The following ZC3H12D variants were observed in gnomAD, a reference collection of about 807,000 sequenced individuals.
ZC3H12D encodes the protein zinc finger CCCH-type containing 12D.
In ZC3H12D, 11 loss-of-function variants were observed where a neutral mutation model predicts 24.2. That is an observed-to-expected ratio of 0.46 (90% CI 0.29 to 0.75). The LOEUF is 0.75. ZC3H12D is among the 30% of genes least tolerant of loss of function. The pLI is 0.11. For missense variants in ZC3H12D, 740 were observed against 767.7 expected, an observed-to-expected ratio of 0.96 and a Z score of 0.43; for synonymous variants, 333 against 341.8, an observed-to-expected ratio of 0.97 and a Z score of 0.28.
chr6:149,480,285 G>A (rs1209699512), intron 1 of ZC3H12D, among the ~76,000 whole-genome samples: 1 of 152,148 alleles, frequency 6.6e-6, no homozygotes, highest in Non-Finnish European at 1.5e-5. Flanking sequence ...TTCAAATATG[G>A]TACATATACA....
chr6:149,465,962 A>G (rs1289125515), intron 2 of ZC3H12D, among the ~76,000 whole-genome samples: 1 of 152,090 alleles, frequency 6.6e-6, no homozygotes, highest in African/African-American at 2.4e-5. Context: ...TTCAGCACAG[A>G]CTGGGCAGGC....
Position 149,450,710 on chromosome 6 carries a change from G to C in ZC3H12D, c.1557C>G (p.Ser519Arg). 1.9e-6 allele frequency: 3 copies of C among 1,538,942 alleles called. No homozygotes were observed. The highest frequency in any genetic ancestry group is 2.6e-6 in the Non-Finnish European group (3 of 1,140,370). Residue 519 changes from serine to arginine, a missense_variant, in exon 6 of 6, where the codon AGC (serine) becomes AGG (arginine). Physicochemically the swap from Ser to Arg is moderately radical, Grantham distance 110. Transcript: ENST00000409806. Reference sequence around the variant, plus strand: ...AGGGCTTGCCCAGGGGCGCCCCCGCGCTCTGGCATCTCTGTACCAGGAGGA... The same window carrying C: ...AGGGCTTGCCCAGGGGCGCCCCCGCCCTCTGGCATCTCTGTACCAGGAGGA... ...RLILLVQRCQ[S>R]AGAPLGKP
Position 149,450,820 on chromosome 6 carries a change from T to A in ZC3H12D, c.1447A>T (p.Ile483Phe), listed in dbSNP as rs1388185770. The A allele has an allele frequency of 1.3e-6, 2 of 1,547,346 alleles. No individual in the cohort carries two copies. The highest frequency in any genetic ancestry group is 1.7e-6 in the Non-Finnish European group (2 of 1,146,746). Reference protein sequence around the residue: ...DEGDARARARIALYSVFPRDQ... With the variant: ...DEGDARARARFALYSVFPRDQ... ...CGCGGGAAGACGCTGTAGAGCGCGATGCGAGCCCGGGCGCGCGCGTCCCCC... is the reference window on the plus strand; with the variant it reads ...CGCGGGAAGACGCTGTAGAGCGCGAAGCGAGCCCGGGCGCGCGCGTCCCCC... Residue 483 changes from isoleucine (I) to phenylalanine (F), a missense_variant, in exon 6 of 6, where the codon ATC becomes TTC. Physicochemically the swap from Ile to Phe is conservative, Grantham distance 21. Transcript: ENST00000409806.
At chr6:149,466,245 CA>C (rs753072351) in intron 2 of ZC3H12D, among the ~76,000 whole-genome samples, 5 of 151,726 alleles carry the variant, frequency 3.3e-5, no homozygotes, top group Non-Finnish European at 7.4e-5. Flanking sequence ...CTTTTCCGGC[CA>C]ATATCAGGTC....
At chr6:149,453,128 CAAAAAA>C (rs59814309) in intron 4 of ZC3H12D, among the ~76,000 whole-genome samples, 2 of 106,104 alleles carry the variant, frequency 1.9e-5, no homozygotes, top group Non-Finnish European at 4.0e-5. Flanking sequence ...CTACAGAAAG[CAAAAAA>C]AAAAAAAAAA....
At chr6:149,470,111 G>A (rs1776221857) in intron 2 of ZC3H12D, among the ~76,000 whole-genome samples, 2 of 152,168 alleles carry the variant, frequency 1.3e-5, no homozygotes, top group Admixed American at 6.5e-5. Flanking sequence ...TATAATCCCA[G>A]CACTTTGGAG....
chr6:149,476,176 A>G (rs1409889891), intron 1 of ZC3H12D, among the ~76,000 whole-genome samples: 1 of 152,166 alleles, frequency 6.6e-6, no homozygotes, highest in East Asian at 1.9e-4. Context: ...GTGTCATCTT[A>G]TACTTATTGC....
At chr6:149,451,657 T>C (rs1775899046) in intron 5 of ZC3H12D, among the ~76,000 whole-genome samples, 178 bp from the exon 6 acceptor site, 1 of 151,984 alleles carries the variant, frequency 6.6e-6, no homozygotes, top group Admixed American at 6.5e-5. Context: ...CCTCAAGATC[T>C]GGGCGCGGGG....
chr6:149,457,873 T>C (rs1776008852), intron 3 of ZC3H12D, among the ~76,000 whole-genome samples: 1 of 152,094 alleles, frequency 6.6e-6, no homozygotes, highest in South Asian at 2.1e-4. Flanking sequence ...TTTTAAAACG[T>C]GCATAATGCA....
intron 3 of ZC3H12D, among the ~76,000 whole-genome samples, chr6:149,460,436 C>T (rs1776053439): frequency 6.6e-6 from 1 of 152,198 alleles, no homozygotes; most frequent in Non-Finnish European, 1.5e-5. Context: ...TGGCTCATGC[C>T]AGTAATCCTA....
chr6:149,478,955 C>A (rs1021920982), intron 1 of ZC3H12D, among the ~76,000 whole-genome samples: 1 of 152,204 alleles, frequency 6.6e-6, no homozygotes. Context: ...GACAGGCTGC[C>A]GAGGTTGTCA....
rs1554269302 is a variant in ZC3H12D, at chr6:149,461,352, A to AGAAG, written c.445+478_445+479insCTTC. On this transcript the variant is annotated intron_variant, in intron 3 of 5. Transcript: ENST00000409806. ...AAGATTTGGTCTCAAAAAAAAAAAA[A>AGAAG]AAGAAGAAGAAGAATTCCCTGGGTC... Among the ~76,000 whole-genome samples, 6 of 147,430 alleles carry AGAAG rather than the reference A, an allele frequency of 4.1e-5. 1 individual carries two copies. The South Asian group carries it at 8.5e-4, about 21-fold the overall frequency.
At chr6:149,475,077 T>G (rs1776314845) in intron 1 of ZC3H12D, among the ~76,000 whole-genome samples, 1 of 152,058 alleles carries the variant, frequency 6.6e-6, no homozygotes, top group Non-Finnish European at 1.5e-5. Context: ...AAGAGGAAAT[T>G]TGAACACATA....
chr6:149,478,806 A>G (rs1051941603), intron 1 of ZC3H12D, among the ~76,000 whole-genome samples: 1 of 151,060 alleles, frequency 6.6e-6, no homozygotes, highest in East Asian at 1.9e-4. Context: ...CAGTCCTGCC[A>G]TCTTCACCCC....
In ZC3H12D at chr6:149,452,534, G is replaced by C; in HGVS notation, c.787+82C>G. 8.5e-7 allele frequency: 1 copy of C among 1,182,130 alleles called. No individual in the cohort carries two copies. The highest frequency in any genetic ancestry group is 1.1e-6 in the Non-Finnish European group (1 of 884,828). The allele number at this position is 1,182,130 out of a possible 1,614,324, so 73.2% of individuals were successfully genotyped here. ...AAGAGCCCAGGCCGCTGAGCACCAG[G>C]CCAGCGCTTTTTGACTGTGCTCCTG... On this transcript the variant is annotated intron_variant, in intron 5 of 5. Coordinates refer to ENST00000409806, the MANE Select transcript of ZC3H12D (RefSeq NM_207360.3). This position sits in a 1 kb window ranked among gnomAD's most constrained non-coding sequence, Gnocchi z 4.0.
At chr6:149,461,776 G>A in intron 3 of ZC3H12D, 55 bp downstream of exon 3, 1 of 1,507,430 alleles carries the variant, frequency 6.6e-7, no homozygotes, top group Non-Finnish European at 8.9e-7. Context: ...GATGTTAGAA[G>A]TGCACCAAGG....
At chr6:149,478,925 A>G (rs1776383205) in intron 1 of ZC3H12D, among the ~76,000 whole-genome samples, 1 of 152,214 alleles carries the variant, frequency 6.6e-6, no homozygotes, top group Non-Finnish European at 1.5e-5. Flanking sequence ...ATTGGCTACA[A>G]GAAATACACC....
chr6:149,458,124 G>GTTTTT (rs1562472740), intron 3 of ZC3H12D, among the ~76,000 whole-genome samples: 39 of 37,536 alleles, frequency 1.0e-3, no homozygotes, highest in African/African-American at 2.3e-3. Flanking sequence ...TTTTTTTTTC[G>GTTTTT]TTTCTTTTTT....
At chr6:149,468,530 G>A (rs780471875) in intron 2 of ZC3H12D, among the ~76,000 whole-genome samples, 1 of 152,206 alleles carries the variant, frequency 6.6e-6, no homozygotes, top group Non-Finnish European at 1.5e-5. Context: ...AGGAAAGAGA[G>A]GAGCAATGAT....
Sources: allele counts gnomAD v4.1 joint callset (sites outside exome capture counted in the v4.1 genomes callset), GRCh38; gene constraint gnomAD v4.1.1; non-coding constraint Gnocchi (gnomAD v3.1); transcripts MANE v1.5; gene names NCBI Gene and HGNC (gene_info 2026-07-23, HGNC 2026-07-21).